Variants in ZNF638 observed in about 807,000 individuals in gnomAD.
ZNF638 encodes zinc finger protein 638, also known as CTCL tumor antigen se33-1.
ZNF638 carries 46 observed loss-of-function variants against 195.6 expected under a neutral mutation model. That is an observed-to-expected ratio of 0.24 (90% CI 0.19 to 0.30). ZNF638 has a LOEUF of 0.30. Ranked by LOEUF, ZNF638 falls within the 10% of genes least tolerant of loss-of-function variation. The pLI, the probability that ZNF638 is intolerant of heterozygous loss-of-function variation, is 1.00. For missense variants in ZNF638, 2,440 were observed against 2,325.3 expected (o/e 1.05, Z -1.01); for synonymous variants, 845 against 772.0 (o/e 1.09, Z -1.57).
At chr2:71,384,772 A>G (rs529773820) in intron 10 of ZNF638, among the ~76,000 whole-genome samples, 1 of 152,320 alleles carries the variant, frequency 6.6e-6, no homozygotes, top group East Asian at 1.9e-4. Context: ...CCAGCTGAAA[A>G]TGACATTCTT....
intron 19 of ZNF638, among the ~76,000 whole-genome samples, chr2:71,406,623 G>T (rs1459553433): frequency 6.6e-6 from 1 of 152,060 alleles, no homozygotes; most frequent in Non-Finnish European, 1.5e-5. Flanking sequence ...AATGAAAGGG[G>T]TATTACCCAA....
chr2:71,351,913 C>T (rs2078947027), intron 2 of ZNF638, among the ~76,000 whole-genome samples: 1 of 152,202 alleles, frequency 6.6e-6, no homozygotes, highest in East Asian at 1.9e-4. Flanking sequence ...GCATGTATCA[C>T]TCAGGCCAGC....
intron 8 of ZNF638, among the ~76,000 whole-genome samples, chr2:71,373,576 C>G (rs1337812043): frequency 6.6e-6 from 1 of 150,858 alleles, no homozygotes; most frequent in Non-Finnish European, 1.5e-5. Context: ...TCCTGAGTAC[C>G]TGGGACTACA....
intron 10 of ZNF638, among the ~76,000 whole-genome samples, chr2:71,386,051 TACTGAAAGGGATATTA>T (rs1156372425): frequency 6.6e-6 from 1 of 152,136 alleles, no homozygotes; most frequent in Non-Finnish European, 1.5e-5. Flanking sequence ...TTTCCATAAA[TACTGAAAGGGATATTA>T]ACTTCAACAT....
At chr2:71,335,702 T>C (rs1573009411) in intron 1 of ZNF638, among the ~76,000 whole-genome samples, 1 of 152,220 alleles carries the variant, frequency 6.6e-6, no homozygotes, top group East Asian at 1.9e-4. Flanking sequence ...CAAATGCTTC[T>C]ATCAGTTCAA....
chr2:71,363,884 C>G, intron 4 of ZNF638, 70 bp from the exon 5 acceptor site: 15 of 1,510,414 alleles, frequency 9.9e-6, no homozygotes, highest in Non-Finnish European at 1.2e-5. Flanking sequence ...CAAGGTACTT[C>G]TGTCATTTAT....
chr2:71,407,973 C>A, intron 19 of ZNF638, 149 bp from the exon 20 acceptor site: 1 of 631,754 alleles, frequency 1.6e-6, no homozygotes, highest in South Asian at 2.9e-5. Context: ...AATAATGCTT[C>A]TGTGAACATG....
chr2:71,407,520 T>C (rs1455581947), intron 19 of ZNF638: 2 of 152,216 alleles, frequency 1.3e-5, no homozygotes, highest in Non-Finnish European at 2.9e-5. Context: ...TAAAAACATT[T>C]TTATTGTAGT....
In ZNF638 at chr2:71,398,579, G is replaced by A. The variant is rs192703715; in HGVS notation, c.2429-122G>A. On this transcript the variant is annotated intron_variant, in intron 11 of 27. Transcript: ENST00000264447. ...ATGGCCTATGTCCCCAAAGATGATA[G>A]CATTTTATGTTTTGAATAAAACACA... is the stretch of plus-strand genomic sequence containing the variant. 4.9e-3 allele frequency: 3,896 copies of A among 794,136 alleles called. 40 individuals are homozygous for A. Among genetic ancestry groups the A allele is most frequent in the Non-Finnish European group, 3.5e-3 (1,641 of 462,564 alleles). 49.2% of individuals were successfully genotyped at this position (794,136 alleles called of 1,614,324 possible).
At chr2:71,388,415 C>T in intron 10 of ZNF638, 1 of 675,528 alleles carries the variant, frequency 1.5e-6, no homozygotes, top group East Asian at 2.9e-5. Context: ...GCGTGCAGGA[C>T]TGCTCCCTAC....
At chr2:71,431,699 G>A (rs998523010) in intron 26 of ZNF638, among the ~76,000 whole-genome samples, 1 of 151,510 alleles carries the variant, frequency 6.6e-6, no homozygotes, top group Non-Finnish European at 1.5e-5. Context: ...GGCGGAGCTT[G>A]CAGTGAGCCG....
intron 12 of ZNF638, 115 bp downstream of exon 12, chr2:71,398,887 T>C (rs2079947958): frequency 2.1e-6 from 2 of 944,500 alleles, no homozygotes; most frequent in Non-Finnish European, 3.2e-6. Context: ...TTCCTTGATA[T>C]TTAAAACCTG....
intron 21 of ZNF638, among the ~76,000 whole-genome samples, chr2:71,418,874 G>A (rs10188295): frequency 0.058 from 8,756 of 152,072 alleles, 983 homozygotes; most frequent in East Asian, 0.55. Context: ...GAGTAACTGC[G>A]TATATAAACA....
chr2:71,433,137 TTTC>T (rs1316068626), intron 26 of ZNF638, 25 bp from the exon 27 acceptor site: 2 of 1,435,020 alleles, frequency 1.4e-6, no homozygotes, highest in East Asian at 2.3e-5. Context: ...TATTGTTAAT[TTTC>T]TTCTTGTCTC....
chr2:71,386,848 C>CT (rs1038495883), intron 10 of ZNF638, among the ~76,000 whole-genome samples: 5 of 151,486 alleles, frequency 3.3e-5, no homozygotes, highest in African/African-American at 9.7e-5. Context: ...TATAAGATGC[C>CT]TTTTTTTTCT....
chr2:71,401,637 A>G (rs73941832), intron 15 of ZNF638, among the ~76,000 whole-genome samples: 84 of 151,956 alleles, frequency 5.5e-4, no homozygotes, highest in African/African-American at 1.8e-3. Flanking sequence ...CAGTGAGCCG[A>G]GGTTGTACCA....
chr2:71,392,351 T>C (rs2079799262), intron 10 of ZNF638, among the ~76,000 whole-genome samples: 1 of 152,194 alleles, frequency 6.6e-6, no homozygotes, highest in Non-Finnish European at 1.5e-5. Context: ...GGAAACCACA[T>C]AATTCCCTCA....
chr2:71,392,606 C>T (rs1264513924), intron 10 of ZNF638, among the ~76,000 whole-genome samples: 3 of 152,184 alleles, frequency 2.0e-5, no homozygotes, highest in African/African-American at 7.2e-5. Flanking sequence ...AGCTCACTGC[C>T]TTGCCCACTG....
chr2:71,428,237 A>G (rs181098603), intron 24 of ZNF638, among the ~76,000 whole-genome samples: 1 of 152,296 alleles, frequency 6.6e-6, no homozygotes, highest in Admixed American at 6.5e-5. Context: ...TCAACTAAGA[A>G]TAAAATACTA....
Sources: allele counts gnomAD v4.1 joint callset (sites outside exome capture counted in the v4.1 genomes callset), GRCh38; gene constraint gnomAD v4.1.1; transcripts MANE v1.5; gene names NCBI Gene and HGNC (gene_info 2026-07-23, HGNC 2026-07-21).